Variants in RHBDD1 observed in about 807,000 individuals in gnomAD.
The protein encoded by RHBDD1 is rhomboid domain containing 1, also known as rhomboid-related protein 4.
Under a neutral mutation model 36.3 loss-of-function variants are expected in RHBDD1, and 38 were observed. The ratio of observed to expected loss-of-function variants is 1.05; its 90% confidence interval spans 0.81 to 1.37. RHBDD1 has a LOEUF of 1.37. Among genes scored for constraint, RHBDD1 ranks in the 40% most tolerant of loss-of-function variants. The pLI is 0.00. For missense variants in RHBDD1, 393 were observed against 377.6 expected (o/e 1.04, Z -0.34); for synonymous variants, 151 against 136.5 (o/e 1.11, Z -0.74).
At chr2:226,831,705 C>CTT (rs79204506), upstream of RHBDD1, among the ~76,000 whole-genome samples, 104 of 144,692 alleles carry the variant, frequency 7.2e-4, 3 homozygotes, top group East Asian at 0.02. Context: ...GTTTATAATA[C>CTT]TTTTTTTTTT....
At chr2:226,819,269 G>A in the RHBDD1 span, among the ~76,000 whole-genome samples, 2 of 152,172 alleles carry the variant, frequency 1.3e-5, no homozygotes, top group Non-Finnish European at 2.9e-5. Context: ...TTCATTTAAA[G>A]AATGCTCATT....
At chr2:226,817,736 G>C in the RHBDD1 span, among the ~76,000 whole-genome samples, 1 of 152,208 alleles carries the variant, frequency 6.6e-6, no homozygotes, top group African/African-American at 2.4e-5. Flanking sequence ...TATTCTCAAA[G>C]AGAGAAACTC....
intron 8 of RHBDD1, among the ~76,000 whole-genome samples, chr2:226,921,007 A>G (rs1949268634): frequency 6.6e-6 from 1 of 152,024 alleles, no homozygotes; most frequent in African/African-American, 2.4e-5. Flanking sequence ...CTTTGCTGGG[A>G]AATTTTTTAT....
chr2:226,963,678 C>T (rs1317528488), intron 8 of RHBDD1, among the ~76,000 whole-genome samples: 1 of 152,122 alleles, frequency 6.6e-6, no homozygotes, highest in Non-Finnish European at 1.5e-5. Flanking sequence ...GGAAAAATCC[C>T]AGACTTGAGT....
intron 8 of RHBDD1, among the ~76,000 whole-genome samples, chr2:226,947,518 G>C (rs1224473465): frequency 6.6e-6 from 1 of 152,058 alleles, no homozygotes; most frequent in Non-Finnish European, 1.5e-5. Flanking sequence ...TTGTAGTATA[G>C]TTTGAAGTCA....
rs1466032130 is a variant in RHBDD1, at chr2:226,887,011, C to T, written c.566+19693C>T. 2.0e-5 allele frequency among the ~76,000 whole-genome samples: 3 copies of T among 151,900 alleles called. 1 individual carries two copies. Among genetic ancestry groups the T allele is most frequent in the Non-Finnish European group, 4.4e-5 (3 of 67,966 alleles). On this transcript the variant is annotated intron_variant, in intron 5 of 8. Coordinates refer to ENST00000392062, the MANE Select transcript of RHBDD1 (RefSeq NM_001167608.3). ...ATCTTTGAAAAAACAAGTAGACAAGCCTGTGGCAGGTTTAATTAAGAAAAT... is the reference window on the plus strand; with the variant it reads ...ATCTTTGAAAAAACAAGTAGACAAGTCTGTGGCAGGTTTAATTAAGAAAAT...
At chr2:226,845,475 G>A (rs1942118021) in intron 3 of RHBDD1, among the ~76,000 whole-genome samples, 1 of 152,194 alleles carries the variant, frequency 6.6e-6, no homozygotes, top group African/African-American at 2.4e-5. Flanking sequence ...CTTAACTGCT[G>A]TCCTATGCTG....
Position 226,865,038 on chromosome 2 carries a change from T to G in RHBDD1, c.345T>G (p.Thr115=). ...TTATCACCGCATTTTCTGTACTTACTGGAGTGGTATACCTGCTCTTGCAAT... is the reference window on the plus strand; with the variant it reads ...TTATCACCGCATTTTCTGTACTTACGGGAGTGGTATACCTGCTCTTGCAAT... ...AYVITAFSVL[T]GVVYLLLQFA... Residue 115 remains threonine (T), a synonymous_variant, in exon 4 of 9, where the codon ACT becomes ACG. Coordinates refer to ENST00000392062, the MANE Select transcript of RHBDD1 (RefSeq NM_001167608.3). The G allele has an allele frequency of 6.2e-7, 1 of 1,614,206 alleles. No homozygotes were observed. The highest frequency in any genetic ancestry group is 8.5e-7 in the Non-Finnish European group (1 of 1,180,008).
the RHBDD1 span, among the ~76,000 whole-genome samples, chr2:226,823,839 A>G: frequency 1.3e-5 from 2 of 152,192 alleles, no homozygotes; most frequent in African/African-American, 4.8e-5. Context: ...AAATCATGGA[A>G]GACATCACAT....
chr2:226,856,223 AAAC>A (rs1386079105), intron 3 of RHBDD1, among the ~76,000 whole-genome samples: 6 of 152,226 alleles, frequency 3.9e-5, no homozygotes, highest in Non-Finnish European at 8.8e-5. Context: ...CATGTTATTC[AAAC>A]AACTATGTTT....
intron 8 of RHBDD1, among the ~76,000 whole-genome samples, chr2:226,931,673 G>C (rs919265693): frequency 6.6e-6 from 1 of 151,906 alleles, no homozygotes; most frequent in Non-Finnish European, 1.5e-5. Context: ...TCTATTTCTG[G>C]ACTTTCTGTA....
intron 8 of RHBDD1, among the ~76,000 whole-genome samples, chr2:226,919,163 T>TATTAAAAAAAA (rs1949127529): frequency 6.6e-6 from 1 of 151,988 alleles, no homozygotes; most frequent in Non-Finnish European, 1.5e-5. Flanking sequence ...AAAATTAGAT[T>TATTAAAAAAAA]ATTAGGTTTT....
intron 8 of RHBDD1, among the ~76,000 whole-genome samples, chr2:226,922,527 C>G (rs973326754): frequency 2.0e-5 from 3 of 152,104 alleles, no homozygotes; most frequent in Non-Finnish European, 4.4e-5. Context: ...TTTTCATTCT[C>G]TATAGGTGAA....
chr2:226,995,694 C>T lies in RHBDD1; in HGVS notation c.*172C>T, dbSNP rs1028223712. 14 of 608,998 alleles carry T rather than the reference C, an allele frequency of 2.3e-5. No individual in the cohort carries two copies. Among genetic ancestry groups the T allele is most frequent in the Non-Finnish European group, 3.8e-5 (13 of 339,288 alleles). The allele number at this position is 608,998 out of a possible 1,614,324, so 37.7% of individuals were successfully genotyped here. A position where few individuals can be genotyped will look rare whatever the true frequency, so the allele number is the denominator to read the frequency against. On this transcript the variant is annotated 3_prime_UTR_variant, in exon 9 of 9. Transcript: ENST00000392062. ...CCCATGGCCCCTATGAGTCAACTCA[C>T]AGCTTGCGGGGAGTGGGCCTTCTCC...
intron 8 of RHBDD1, among the ~76,000 whole-genome samples, chr2:226,954,513 C>A (rs1951658723): frequency 6.6e-6 from 1 of 152,118 alleles, no homozygotes; most frequent in South Asian, 2.1e-4. Flanking sequence ...CTAATGATTT[C>A]TAGCCGCTAG....
At chr2:226,941,068 C>T (rs1339603516) in intron 8 of RHBDD1, among the ~76,000 whole-genome samples, 2 of 151,936 alleles carry the variant, frequency 1.3e-5, no homozygotes, top group Non-Finnish European at 2.9e-5. Context: ...TGCCTCAGCC[C>T]GCCTAGTAGC....
the RHBDD1 span, among the ~76,000 whole-genome samples, chr2:226,811,741 A>G: frequency 6.6e-6 from 1 of 152,250 alleles, no homozygotes; most frequent in African/African-American, 2.4e-5. Context: ...TTCTCCACTG[A>G]ATTCTATCTA....
chr2:226,921,592 A>G (rs1450144833), intron 8 of RHBDD1, among the ~76,000 whole-genome samples: 1 of 152,116 alleles, frequency 6.6e-6, no homozygotes, highest in Non-Finnish European at 1.5e-5. Context: ...TCATTAACCC[A>G]CTGGTCATTT....
rs551632785 is a variant in RHBDD1 at position 226,977,092 on chromosome 2, A to C, written c.857-18339A>C. 2.0e-5 allele frequency among the ~76,000 whole-genome samples: 3 copies of C among 152,302 alleles called. No individual in the cohort carries two copies. In the South Asian group the frequency reaches 6.2e-4, roughly 32 times the overall value. On this transcript the variant is annotated intron_variant, in intron 8 of 8. Coordinates refer to ENST00000392062, the MANE Select transcript of RHBDD1 (RefSeq NM_001167608.3). The stretch of plus-strand genomic sequence containing the variant: ...ACTGCTCTCATGAATGCCTGTCTTC[A>C]TGGAAAAAGGGATCTTTTTGGTCAT...
Sources: allele counts gnomAD v4.1 joint callset (sites outside exome capture counted in the v4.1 genomes callset), GRCh38; gene constraint gnomAD v4.1.1; transcripts MANE v1.5; gene names NCBI Gene and HGNC (gene_info 2026-07-23, HGNC 2026-07-21).